LY96: variants seen among roughly 807,000 people sequenced by gnomAD.
LY96 encodes the protein lymphocyte antigen 96, also known as myeloid differentiation protein-2.
A neutral mutation model predicts 18.9 loss-of-function variants in LY96; 18 were observed. That is an observed-to-expected ratio of 0.95 (90% confidence interval 0.66 to 1.41). The LOEUF is 1.41. Ranked by LOEUF, LY96 falls within the 40% of genes most tolerant of loss-of-function variation. The pLI, the probability that LY96 is intolerant of heterozygous loss-of-function variation, is 0.00. For synonymous variants in LY96, 66 were observed against 62.6 expected (o/e 1.06, Z -0.26); for missense variants, 175 against 182.4 (o/e 0.96, Z 0.23).
chr8:74,058,538 TGGATGGAGTCTTGC>T, the LY96 span, among the ~76,000 whole-genome samples: 1 of 151,082 alleles, frequency 6.6e-6, no homozygotes, highest in Non-Finnish European at 1.5e-5. Flanking sequence ...TTTTTTTTTT[TGGATGGAGTCTTGC>T]TTTGTCACCC....
At chr8:73,997,452 C>A (rs982440619) in intron 1 of LY96, among the ~76,000 whole-genome samples, 6 of 152,178 alleles carry the variant, frequency 3.9e-5, no homozygotes, top group African/African-American at 1.4e-4. Flanking sequence ...CCAGAGAGAT[C>A]TTTGCAAAAT....
chr8:74,051,047 C>A, the LY96 span, among the ~76,000 whole-genome samples: 1 of 151,978 alleles, frequency 6.6e-6, no homozygotes, highest in African/African-American at 2.4e-5. Context: ...TATCTAAGAC[C>A]CATAAGATAC....
At chr8:73,998,656 C>T (rs1816199457) in intron 1 of LY96, among the ~76,000 whole-genome samples, 1 of 151,984 alleles carries the variant, frequency 6.6e-6, no homozygotes, top group African/African-American at 2.4e-5. Flanking sequence ...ACACTTTATC[C>T]TGGGTGACAG....
chr8:74,065,896 G>T, the LY96 span, among the ~76,000 whole-genome samples: 1 of 152,126 alleles, frequency 6.6e-6, no homozygotes, highest in East Asian at 1.9e-4. Flanking sequence ...GAATTATATT[G>T]GTGAGTACAA....
At chr8:74,092,065 C>T in the LY96 span, among the ~76,000 whole-genome samples, 5 of 152,142 alleles carry the variant, frequency 3.3e-5, no homozygotes, top group African/African-American at 1.2e-4. Context: ...TTGCTTTGGG[C>T]CTTGCCTAAA....
At chr8:74,046,233 T>A in the LY96 span, among the ~76,000 whole-genome samples, 14 of 152,140 alleles carry the variant, frequency 9.2e-5, no homozygotes, top group African/African-American at 3.4e-4. Context: ...GAACTGAGAT[T>A]GTGCCACTGC....
At chr8:74,029,589 CT>C (rs1816936909), downstream of LY96, among the ~76,000 whole-genome samples, 1 of 152,164 alleles carries the variant, frequency 6.6e-6, no homozygotes. Flanking sequence ...TTTGCTTCCC[CT>C]TCTGCCATGA....
At chr8:74,058,020 G>A in the LY96 span, among the ~76,000 whole-genome samples, 2 of 152,102 alleles carry the variant, frequency 1.3e-5, no homozygotes, top group Non-Finnish European at 1.5e-5. Flanking sequence ...TCAATACTTC[G>A]TGAGCCTAAG....
chr8:74,066,396 T>C, the LY96 span, among the ~76,000 whole-genome samples: 1 of 152,026 alleles, frequency 6.6e-6, no homozygotes, highest in Non-Finnish European at 1.5e-5. Context: ...ACTCAAATCA[T>C]AGCTGGCGCC....
intron 1 of LY96, among the ~76,000 whole-genome samples, chr8:74,002,291 T>G (rs970836178): frequency 6.6e-6 from 1 of 151,542 alleles, no homozygotes; most frequent in Admixed American, 6.6e-5. Flanking sequence ...CATTATTTCT[T>G]TGAATAAACT....
At chr8:74,056,622 T>G in the LY96 span, 5 of 156,032 alleles carry the variant, frequency 3.2e-5, no homozygotes, top group African/African-American at 1.2e-4. Flanking sequence ...CAGATAGATA[T>G]GAGCCACCAG....
the LY96 span, among the ~76,000 whole-genome samples, chr8:74,081,048 T>TTCTTAC: frequency 2.3e-4 from 22 of 97,024 alleles, no homozygotes; most frequent in South Asian, 9.1e-4. Context: ...CTTTCTTTCT[T>TTCTTAC]TTTCTTTCTT....
At chr8:74,038,883 A>T in the LY96 span, among the ~76,000 whole-genome samples, 1 of 152,312 alleles carries the variant, frequency 6.6e-6, no homozygotes, top group Non-Finnish European at 1.5e-5. Flanking sequence ...ATCCAGTGGG[A>T]TTGCTGGATT....
chr8:74,061,328 T>A, the LY96 span, among the ~76,000 whole-genome samples: 1 of 152,160 alleles, frequency 6.6e-6, no homozygotes. Context: ...CTCTCTCTGC[T>A]CCCCAGCACA....
intron 2 of LY96, among the ~76,000 whole-genome samples, chr8:74,009,237 A>G (rs892688868): frequency 9.9e-5 from 15 of 152,016 alleles, no homozygotes; most frequent in African/African-American, 3.4e-4. Context: ...TCTACTAAAA[A>G]TACAAAAATT....
intron 2 of LY96, 30 bp from the exon 3 acceptor site, chr8:74,009,971 G>A (rs1426230628): frequency 6.6e-7 from 1 of 1,523,694 alleles, no homozygotes; most frequent in African/African-American, 1.4e-5. Flanking sequence ...TCTACTATTT[G>A]AGGGCCTAAT....
chr8:74,081,074 TTCTTCTCTTTCTC>T, the LY96 span, among the ~76,000 whole-genome samples: 2 of 130,766 alleles, frequency 1.5e-5, no homozygotes, highest in African/African-American at 3.5e-5. Context: ...CTTACTTTCT[TTCTTCTCTTTCTC>T]TCTTTCTTTC....
chr8:74,021,821 A>T (rs574514746), intron 3 of LY96, among the ~76,000 whole-genome samples: 14 of 152,238 alleles, frequency 9.2e-5, no homozygotes, highest in African/African-American at 3.4e-4. Flanking sequence ...TATTGTAAGG[A>T]CAGAAAACCA....
At chr8:74,093,734 A>G in the LY96 span, among the ~76,000 whole-genome samples, 1 of 152,166 alleles carries the variant, frequency 6.6e-6, no homozygotes, top group Admixed American at 6.6e-5. Context: ...GATTCTTTAT[A>G]TATGCCTCTC....
Sources: allele counts gnomAD v4.1 joint callset (sites outside exome capture counted in the v4.1 genomes callset), GRCh38; gene constraint gnomAD v4.1.1; transcripts MANE v1.5; gene names NCBI Gene and HGNC (gene_info 2026-07-23, HGNC 2026-07-21).